The following TSGA10 variants were observed in gnomAD, a reference collection of about 807,000 sequenced individuals.
The protein encoded by TSGA10 is testis-specific gene 10 protein.
Under a neutral mutation model 96.6 loss-of-function variants are expected in TSGA10, and 43 were observed. The ratio of observed to expected loss-of-function variants is 0.44; its 90% CI spans 0.35 to 0.57. TSGA10 has a LOEUF of 0.57. Ranked by LOEUF, TSGA10 falls within the 20% of genes least tolerant of loss-of-function variation. The probability of loss-of-function intolerance (pLI) is 0.01; values close to 1 mark genes in which losing one functional copy is unlikely to be tolerated. For synonymous variants in TSGA10, 229 were observed against 269.9 expected (o/e 0.85, Z 1.48); for missense variants, 703 against 834.4 (o/e 0.84, Z 1.94).
At position 99,053,011 on chromosome 2, in the gene TSGA10, T is replaced by C. The variant is rs1320280567; in HGVS notation, c.1404+11928A>G. 2.0e-5 allele frequency among the ~76,000 whole-genome samples: 3 copies of C among 150,336 alleles called. No homozygotes were observed. In the East Asian group the frequency reaches 6.0e-4, roughly 30 times the overall value. ...CGAGAGACAGATATTGCAGTGAGCC[T>C]TGATGGCACCACTGCACTCCAGCCT... On this transcript the variant is annotated intron_variant, in intron 16 of 20. Transcript: ENST00000393483.
At chr2:99,009,168 T>C (rs1039011484) in intron 20 of TSGA10, among the ~76,000 whole-genome samples, 3 of 151,782 alleles carry the variant, frequency 2.0e-5, no homozygotes, top group African/African-American at 7.3e-5. Context: ...TGAAAGCAAA[T>C]TGAAACAAAT....
rs532949148 is a variant in TSGA10, at chr2:99,002,534, C to A, written c.2073-4313G>T. 6.9e-4 allele frequency among the ~76,000 whole-genome samples: 105 copies of A among 152,246 alleles called. No homozygotes were observed. In the South Asian group the frequency reaches 7.9e-3, roughly 11 times the overall value. On this transcript the variant is annotated intron_variant, in intron 20 of 20. Transcript: ENST00000393483. ...TGGTACCAGCCACTGCAAAAACATG[C>A]CAAATTGTAAAGACCATCGAGGCTA... is the stretch of plus-strand genomic sequence containing the variant.
At position 99,105,366 on chromosome 2, in the gene TSGA10, A is replaced by G; in HGVS notation, c.452T>C (p.Val151Ala). The part of the protein sequence containing the change: ...EQRIEELECT[V>A]HNLDDERMEQ... ...CTTTTTTTTTTTTTTTACATTATGA[A>G]CTGTACACTCCAGCTCCTCTATCCT... The change falls in exon 9 of 21, where the codon GTT becomes GCT. Residue 151 changes from valine (V) to alanine (A), a missense_variant. Around this residue, in one of 3 missense-constraint regions of TSGA10, gnomAD observed 585 missense variants for 656.8 expected, o/e 0.89. Coordinates refer to ENST00000393483, the MANE Select transcript of TSGA10 (RefSeq NM_025244.4). The G allele has an allele frequency of 6.2e-7, 1 of 1,609,762 alleles. No homozygotes were observed. Among genetic ancestry groups the G allele is most frequent in the Non-Finnish European group, 8.5e-7 (1 of 1,178,898 alleles).
chr2:99,089,150 C>A (rs1180337310), intron 10 of TSGA10, among the ~76,000 whole-genome samples: 1 of 152,146 alleles, frequency 6.6e-6, no homozygotes, highest in African/African-American at 2.4e-5. Context: ...AGTGAAGGTC[C>A]AGATCACGGG....
chr2:99,037,428 T>A (rs561181404), intron 16 of TSGA10, among the ~76,000 whole-genome samples: 73 of 152,166 alleles, frequency 4.8e-4, no homozygotes, highest in Non-Finnish European at 9.4e-4. Flanking sequence ...CAAAAAAAAT[T>A]TAGAATATTT....
intron 10 of TSGA10, among the ~76,000 whole-genome samples, chr2:99,090,591 C>T (rs2104680196): frequency 6.6e-6 from 1 of 152,196 alleles, no homozygotes; most frequent in Non-Finnish European, 1.5e-5. Context: ...ACAATCACAA[C>T]TTCTGGAAAT....
intron 16 of TSGA10, among the ~76,000 whole-genome samples, chr2:99,050,034 G>A (rs4851185): frequency 0.43 from 66,045 of 151,998 alleles, 17,017 homozygotes; most frequent in African/African-American, 0.72. Flanking sequence ...TATAACAGAT[G>A]AAATACAATA....
At chr2:99,116,476 ATCT>A (rs1366094086) in intron 4 of TSGA10, among the ~76,000 whole-genome samples, 1 of 152,242 alleles carries the variant, frequency 6.6e-6, no homozygotes, top group Admixed American at 6.5e-5. Flanking sequence ...AGTCACAGAT[ATCT>A]GAGAATTTAG....
At chr2:99,115,833 C>A (rs891950983) in intron 4 of TSGA10, among the ~76,000 whole-genome samples, 3 of 152,092 alleles carry the variant, frequency 2.0e-5, no homozygotes, top group African/African-American at 7.2e-5. Flanking sequence ...GAGCCGAGAT[C>A]GCGCCACTGC....
At chr2:99,115,073 C>T (rs1431958875) in intron 4 of TSGA10, among the ~76,000 whole-genome samples, 5 of 152,132 alleles carry the variant, frequency 3.3e-5, no homozygotes, top group Admixed American at 2.6e-4. Context: ...GCTGGGATTA[C>T]AGGCGTATGG....
Position 99,144,649 on chromosome 2 carries a change from CAAAAAAA to C in TSGA10, c.-621+10037_-621+10043del, listed in dbSNP as rs70940140. Among the ~76,000 whole-genome samples, 31 of 52,266 alleles carry C rather than the reference CAAAAAAA, an allele frequency of 5.9e-4. 1 individual carries two copies. Among genetic ancestry groups the C allele is most frequent in the Middle Eastern group, 0.019 (1 of 54 alleles). The allele number at this position is 52,266 out of a possible 152,430, so 34.3% of individuals were successfully genotyped here. On this transcript the variant is annotated intron_variant, in intron 1 of 20. Coordinates refer to ENST00000393483, the MANE Select transcript of TSGA10 (RefSeq NM_025244.4). ...GGGGGACAAGAACAAAACTCTGTCT[CAAAAAAA>C]AAAAAAAAAAAAAAAGATGCTGAAA...
At chr2:99,095,408 A>C (rs1177904042) in intron 10 of TSGA10, among the ~76,000 whole-genome samples, 2 of 152,128 alleles carry the variant, frequency 1.3e-5, no homozygotes, top group Non-Finnish European at 2.9e-5. Flanking sequence ...TAAACAAATA[A>C]AATAAAATAA....
intron 12 of TSGA10, among the ~76,000 whole-genome samples, chr2:99,077,242 G>T (rs1216835033): frequency 4.1e-5 from 6 of 147,038 alleles, no homozygotes; most frequent in Non-Finnish European, 8.9e-5. Context: ...CCAGGCTCAG[G>T]TGATACTCCT....
At chr2:99,062,888 T>A (rs2084857218) in intron 16 of TSGA10, among the ~76,000 whole-genome samples, 1 of 152,162 alleles carries the variant, frequency 6.6e-6, no homozygotes, top group South Asian at 2.1e-4. Flanking sequence ...CTTCAATGCA[T>A]AGAAAAGAAA....
intron 1 of TSGA10, among the ~76,000 whole-genome samples, chr2:99,133,519 T>C (rs2093194259): frequency 6.6e-6 from 1 of 152,238 alleles, no homozygotes; most frequent in South Asian, 2.1e-4. Flanking sequence ...AACACAACAA[T>C]GGGTCTTGAC....
At chr2:99,138,254 G>A (rs1047832696) in intron 1 of TSGA10, among the ~76,000 whole-genome samples, 2 of 152,066 alleles carry the variant, frequency 1.3e-5, no homozygotes, top group African/African-American at 4.8e-5. Context: ...AATGTCAGAG[G>A]GTCTTCCCTG....
intron 16 of TSGA10, among the ~76,000 whole-genome samples, chr2:99,060,484 T>G (rs1047699724): frequency 2.6e-5 from 4 of 152,198 alleles, no homozygotes; most frequent in Admixed American, 2.6e-4. Flanking sequence ...GTTTATGGAT[T>G]GGAAGACTCA....
At chr2:99,096,128 T>G (rs57273701) in intron 10 of TSGA10, among the ~76,000 whole-genome samples, 6,762 of 152,296 alleles carry the variant, frequency 0.044, 317 homozygotes, top group East Asian at 0.21. Context: ...TATAAGTGTA[T>G]AGCAAAATTT....
At chr2:99,016,057 T>C (rs1573487695) in intron 20 of TSGA10, among the ~76,000 whole-genome samples, 1 of 152,040 alleles carries the variant, frequency 6.6e-6, no homozygotes, top group Non-Finnish European at 1.5e-5. Context: ...GAATCAATAT[T>C]GTAAAAATGA....
Sources: allele counts gnomAD v4.1 joint callset (sites outside exome capture counted in the v4.1 genomes callset), GRCh38; gene constraint gnomAD v4.1.1; regional missense constraint gnomAD v4.1.1; transcripts MANE v1.5; gene names NCBI Gene and HGNC (gene_info 2026-07-23, HGNC 2026-07-21).